The following DYNC1I1 variants were observed in gnomAD, a reference collection of about 807,000 sequenced individuals.
DYNC1I1 encodes cytoplasmic dynein 1 intermediate chain 1.
Under a neutral mutation model 86.6 loss-of-function variants are expected in DYNC1I1, and 43 were observed. The ratio of observed to expected loss-of-function variants is 0.50; its 90% confidence interval spans 0.39 to 0.64. The LOEUF (loss-of-function observed/expected upper bound fraction) is 0.64, where lower values mean the gene tolerates loss of function less well. DYNC1I1 is among the 30% of genes least tolerant of loss of function. The pLI, the probability that DYNC1I1 is intolerant of heterozygous loss-of-function variation, is 0.00. For missense variants in DYNC1I1, 604 were observed against 788.8 expected, an observed-to-expected ratio of 0.77 and a Z score of 2.81; for synonymous variants, 262 against 283.7, an observed-to-expected ratio of 0.92 and a Z score of 0.77.
intron 5 of DYNC1I1, among the ~76,000 whole-genome samples, chr7:95,831,001 C>T (rs771312467): frequency 6.6e-6 from 1 of 152,048 alleles, no homozygotes; most frequent in Non-Finnish European, 1.5e-5. Context: ...TGCTTATTTG[C>T]CATATGAGTA....
chr7:96,025,969 G>A (rs1439841952), intron 10 of DYNC1I1, among the ~76,000 whole-genome samples: 1 of 151,886 alleles, frequency 6.6e-6, no homozygotes, highest in Non-Finnish European at 1.5e-5. Context: ...TTCAATTGTC[G>A]ATACCACCTG....
chr7:96,089,927 T>C (rs1052737670), intron 16 of DYNC1I1, among the ~76,000 whole-genome samples: 1 of 152,184 alleles, frequency 6.6e-6, no homozygotes, highest in Non-Finnish European at 1.5e-5. Context: ...GATATGTGTT[T>C]AGTAGCTAAT....
intron 6 of DYNC1I1, among the ~76,000 whole-genome samples, chr7:95,922,633 A>G (rs1584162803): frequency 6.6e-6 from 1 of 152,098 alleles, no homozygotes; most frequent in African/African-American, 2.4e-5. Context: ...TAGCTGATAT[A>G]TAATTAGCCA....
At chr7:95,912,522 G>T (rs1222563825) in intron 6 of DYNC1I1, among the ~76,000 whole-genome samples, 1 of 152,188 alleles carries the variant, frequency 6.6e-6, no homozygotes, top group Non-Finnish European at 1.5e-5. Flanking sequence ...TCCTTGATTT[G>T]CAGGGACATA....
intron 6 of DYNC1I1, among the ~76,000 whole-genome samples, chr7:95,910,690 A>T (rs527851885): frequency 4.1e-4 from 62 of 152,316 alleles, no homozygotes; most frequent in Admixed American, 2.1e-3. Flanking sequence ...AATTATGGAC[A>T]TTTATAGGTT....
chr7:96,097,840 G>A lies in DYNC1I1; in HGVS notation c.*247G>A. On this transcript the variant is annotated 3_prime_UTR_variant, in exon 17 of 17. Transcript: ENST00000447467. ...CAAAAATGAAGAGAAGGGGGTTATG[G>A]GTTAAGTTGCTGCCTTTTAACTACT... 4 of 1,217,162 alleles carry A rather than the reference G, an allele frequency of 3.3e-6. No individual in the cohort carries two copies. In the South Asian group the frequency reaches 8.1e-5, roughly 25 times the overall value. 75.4% of individuals were successfully genotyped at this position (1,217,162 alleles called of 1,614,324 possible).
intron 1 of DYNC1I1, among the ~76,000 whole-genome samples, chr7:95,773,098 G>A (rs1342425369): frequency 1.3e-5 from 2 of 152,182 alleles, no homozygotes; most frequent in East Asian, 1.9e-4. Flanking sequence ...GGTCTTCCCC[G>A]GGGGAGCAGT....
intron 6 of DYNC1I1, among the ~76,000 whole-genome samples, chr7:95,958,805 T>A (rs1792786836): frequency 6.6e-6 from 1 of 152,250 alleles, no homozygotes; most frequent in South Asian, 2.1e-4. Flanking sequence ...TATGCCTTAA[T>A]GAACTTGTCT....
intron 16 of DYNC1I1, among the ~76,000 whole-genome samples, chr7:96,082,872 T>C (rs1790565433): frequency 2.0e-5 from 3 of 152,230 alleles, no homozygotes; most frequent in African/African-American, 4.8e-5. Context: ...AGTGTTGTTA[T>C]ACTCATATTT....
chr7:95,875,646 T>A (rs1036713615), intron 6 of DYNC1I1, among the ~76,000 whole-genome samples: 1 of 152,100 alleles, frequency 6.6e-6, no homozygotes, highest in Non-Finnish European at 1.5e-5. Flanking sequence ...TTGGTGGAGA[T>A]AGGGAGGATG....
intron 10 of DYNC1I1, among the ~76,000 whole-genome samples, chr7:96,026,930 T>C (rs1309020182): frequency 6.6e-6 from 1 of 152,156 alleles, no homozygotes; most frequent in Non-Finnish European, 1.5e-5. Context: ...ATAGCATGTA[T>C]CACATTCAAG....
intron 16 of DYNC1I1, among the ~76,000 whole-genome samples, chr7:96,106,814 T>C (rs1015159522): frequency 2.6e-5 from 4 of 152,220 alleles, no homozygotes; most frequent in Non-Finnish European, 5.9e-5. Flanking sequence ...TGCTTTTAAA[T>C]TTATTAAGAT....
At chr7:96,038,821 T>A (rs1303987372) in intron 13 of DYNC1I1, among the ~76,000 whole-genome samples, 1 of 152,174 alleles carries the variant, frequency 6.6e-6, no homozygotes, top group African/African-American at 2.4e-5. Flanking sequence ...AAATGATTGT[T>A]CCTTCAAGGA....
At chr7:95,825,415 C>A (rs1372744057) in intron 4 of DYNC1I1, among the ~76,000 whole-genome samples, 1 of 152,172 alleles carries the variant, frequency 6.6e-6, no homozygotes. Flanking sequence ...AAGCTTCTTA[C>A]AATCAGCAAG....
At position 96,069,971 on chromosome 7, in the gene DYNC1I1, T is replaced by G. The variant is rs115341963; in HGVS notation, c.1510-6086T>G. Reference sequence around the variant, plus strand: ...AAAGTCCTTGCCTAATTTTGGTTTATGCACACAAAAAACAAATAGACCACT... The same window carrying G: ...AAAGTCCTTGCCTAATTTTGGTTTAGGCACACAAAAAACAAATAGACCACT... On this transcript the variant is annotated intron_variant, in intron 14 of 16. Coordinates refer to ENST00000447467, the MANE Select transcript of DYNC1I1 (RefSeq NM_001135556.2). Among the ~76,000 whole-genome samples, 850 of 152,326 alleles carry G rather than the reference T, an allele frequency of 5.6e-3. 8 individuals carry two copies. The highest frequency in any genetic ancestry group is 0.02 in the African/African-American group (813 of 41,576).
At chr7:95,841,046 C>T (rs532467001) in intron 5 of DYNC1I1, among the ~76,000 whole-genome samples, 2 of 152,350 alleles carry the variant, frequency 1.3e-5, no homozygotes, top group South Asian at 4.1e-4. Flanking sequence ...AATGCTCACT[C>T]AGACGCAGGC....
chr7:95,985,694 G>A (rs560188661), intron 8 of DYNC1I1, among the ~76,000 whole-genome samples: 68 of 152,078 alleles, frequency 4.5e-4, no homozygotes, highest in Non-Finnish European at 5.6e-4. Context: ...TGAAGGTAGG[G>A]TCACTTGCCT....
At chr7:95,792,062 A>G (rs993294100) in intron 1 of DYNC1I1, among the ~76,000 whole-genome samples, 2 of 152,248 alleles carry the variant, frequency 1.3e-5, no homozygotes, top group African/African-American at 4.8e-5. Context: ...ATAGTTGTTT[A>G]GCAATTCAAG....
chr7:96,062,471 A>G (rs1354155365), intron 14 of DYNC1I1, among the ~76,000 whole-genome samples: 1 of 151,812 alleles, frequency 6.6e-6, no homozygotes, highest in East Asian at 1.9e-4. Flanking sequence ...CCCTTGCAGT[A>G]AACTGTCAAA....
Sources: allele counts gnomAD v4.1 joint callset (sites outside exome capture counted in the v4.1 genomes callset), GRCh38; gene constraint gnomAD v4.1.1; transcripts MANE v1.5; gene names NCBI Gene and HGNC (gene_info 2026-07-23, HGNC 2026-07-21).